RANBP2: variants seen among roughly 807,000 people sequenced by gnomAD.
RANBP2 encodes RAN binding protein 2, also known as E3 SUMO-protein ligase RanBP2.
RANBP2 carries 57 observed loss-of-function variants against 303.6 expected under a neutral mutation model. The observed-to-expected ratio is 0.19, with a 90% confidence interval of 0.15 to 0.23. The LOEUF is 0.23. Ranked by LOEUF, RANBP2 falls within the 10% of genes least tolerant of loss-of-function variation. The pLI is 1.00. For missense variants in RANBP2, 3,138 were observed against 3,780.8 expected, an observed-to-expected ratio of 0.83 and a Z score of 4.46; for synonymous variants, 1,167 against 1,301.5, an observed-to-expected ratio of 0.90 and a Z score of 2.23.
Position 108,771,743 on chromosome 2 carries a change from A to G in RANBP2, c.7892A>G (p.Asp2631Gly). Residue 2631 changes from aspartate (D) to glycine (G), a missense_variant, in exon 21 of 29, where the codon GAT (aspartate) becomes GGT (glycine). This residue lies in a region of RANBP2 where 497 missense variants were observed against 465.8 expected (regional missense o/e 1.07). Coordinates refer to ENST00000283195, the MANE Select transcript of RANBP2 (RefSeq NM_006267.5). ...CCTGAAGATTCTCCCTCAGATGATG[A>G]TGTTCTCATTGTATATGAACTAACT... ...KKPEDSPSDD[D>G]VLIVYELTPT... is the part of the protein sequence containing the mutation. 6.2e-7 allele frequency: 1 copy of G among 1,613,880 alleles called. No homozygotes were observed. Among genetic ancestry groups the G allele is most frequent in the Non-Finnish European group, 8.5e-7 (1 of 1,179,946 alleles).
chr2:109,608,771 T>TA, the RANBP2 span, among the ~76,000 whole-genome samples: 9 of 151,718 alleles, frequency 5.9e-5, no homozygotes, highest in Non-Finnish European at 1.3e-4. Flanking sequence ...ATACAAATCC[T>TA]AAAAAAAAAT....
downstream of RANBP2, chr2:108,786,749 C>A: frequency 1.5e-6 from 2 of 1,368,458 alleles, no homozygotes; most frequent in Non-Finnish European, 2.0e-6. Context: ...CACGTCGTGA[C>A]GCACTGCGGC....
At chr2:109,231,720 C>T in the RANBP2 span, among the ~76,000 whole-genome samples, 2 of 152,238 alleles carry the variant, frequency 1.3e-5, no homozygotes, top group East Asian at 3.9e-4. Context: ...TAAATCTTAC[C>T]GTGCATGCTA....
the RANBP2 span, among the ~76,000 whole-genome samples, chr2:109,708,993 GTAAA>G: frequency 6.7e-6 from 1 of 149,834 alleles, no homozygotes; most frequent in Non-Finnish European, 1.5e-5. Flanking sequence ...AAATAAATAA[GTAAA>G]TAAATAATAA....
chr2:109,078,121 G>GTA, the RANBP2 span, among the ~76,000 whole-genome samples: 1 of 48,002 alleles, frequency 2.1e-5, no homozygotes. Context: ...TATATATAGC[G>GTA]TGTATATATA....
chr2:109,148,538 A>AT, the RANBP2 span, among the ~76,000 whole-genome samples: 1 of 152,220 alleles, frequency 6.6e-6, no homozygotes, highest in Non-Finnish European at 1.5e-5. Context: ...TCTGGGGAAT[A>AT]TTACTGCTGA....
the RANBP2 span, among the ~76,000 whole-genome samples, chr2:109,162,487 A>G: frequency 2.6e-5 from 4 of 152,172 alleles, no homozygotes; most frequent in Non-Finnish European, 5.9e-5. Flanking sequence ...CTATGTATAC[A>G]TGTGCCATGT....
the RANBP2 span, among the ~76,000 whole-genome samples, chr2:109,311,403 A>G: frequency 7.2e-6 from 1 of 138,886 alleles, no homozygotes; most frequent in Admixed American, 7.6e-5. Context: ...ATGGGCAAAA[A>G]CTGGAAGCAT....
chr2:109,382,859 AC>A, the RANBP2 span, among the ~76,000 whole-genome samples: 1 of 152,144 alleles, frequency 6.6e-6, no homozygotes, highest in African/African-American at 2.4e-5. Context: ...TGGATTATGA[AC>A]CCTGCCCCAA....
At chr2:109,710,218 C>T in the RANBP2 span, among the ~76,000 whole-genome samples, 1 of 148,562 alleles carries the variant, frequency 6.7e-6, no homozygotes, top group Non-Finnish European at 1.5e-5. Context: ...CCCATCTCTA[C>T]TAAAAATTCA....
At chr2:109,044,744 C>T in the RANBP2 span, among the ~76,000 whole-genome samples, 1 of 151,976 alleles carries the variant, frequency 6.6e-6, no homozygotes. Context: ...GAGAGACTGG[C>T]TGGAGAAAAT....
At chr2:109,146,091 G>A in the RANBP2 span, among the ~76,000 whole-genome samples, 1 of 152,172 alleles carries the variant, frequency 6.6e-6, no homozygotes, top group Non-Finnish European at 1.5e-5. Flanking sequence ...GGTACCAGCT[G>A]AACAGTTAGA....
chr2:109,545,822 T>G, the RANBP2 span: 1 of 1,428,490 alleles, frequency 7.0e-7, no homozygotes, highest in Non-Finnish European at 9.1e-7. Context: ...GTTCATTCAT[T>G]CATTTTGGCA....
the RANBP2 span, among the ~76,000 whole-genome samples, chr2:109,536,504 C>T: frequency 3.9e-5 from 6 of 152,292 alleles, no homozygotes; most frequent in Admixed American, 2.0e-4. Context: ...CCTGTACCCC[C>T]GCTATATCTA....
At chr2:109,036,254 T>C in the RANBP2 span, among the ~76,000 whole-genome samples, 1 of 152,212 alleles carries the variant, frequency 6.6e-6, no homozygotes, top group Non-Finnish European at 1.5e-5. Flanking sequence ...AATCTTCAGA[T>C]GAAAATACTT....
chr2:108,757,836 A>G (rs1573790512), intron 17 of RANBP2, among the ~76,000 whole-genome samples: 1 of 152,208 alleles, frequency 6.6e-6, no homozygotes, highest in Non-Finnish European at 1.5e-5. Flanking sequence ...TAGAATGGAA[A>G]TGAAGGTGTG....
At chr2:108,907,876 C>T in the RANBP2 span, 1 of 1,613,594 alleles carries the variant, frequency 6.2e-7, no homozygotes, top group Non-Finnish European at 8.5e-7. Context: ...TGACTTGTTG[C>T]TGGTGGCAGA....
the RANBP2 span, among the ~76,000 whole-genome samples, chr2:109,473,613 G>A: frequency 1.3e-5 from 2 of 152,160 alleles, no homozygotes; most frequent in Non-Finnish European, 2.9e-5. Flanking sequence ...GGGACCTAAA[G>A]CACAAACAAG....
the RANBP2 span, among the ~76,000 whole-genome samples, chr2:109,658,089 G>A: frequency 6.6e-6 from 1 of 151,912 alleles, no homozygotes; most frequent in Non-Finnish European, 1.5e-5. Flanking sequence ...AAATTAGGCT[G>A]CATCAGAGTT....
Sources: allele counts gnomAD v4.1 joint callset (sites outside exome capture counted in the v4.1 genomes callset), GRCh38; gene constraint gnomAD v4.1.1; regional missense constraint gnomAD v4.1.1; transcripts MANE v1.5; gene names NCBI Gene and HGNC (gene_info 2026-07-23, HGNC 2026-07-21).